RGS4: variants seen among roughly 807,000 people sequenced by gnomAD.
RGS4 encodes regulator of G protein signaling 4, also known as schizophrenia disorder 9.
In RGS4, 15 loss-of-function variants were observed where a neutral mutation model predicts 21.6. The observed-to-expected ratio is 0.69, with a 90% CI of 0.46 to 1.07. RGS4 has a LOEUF of 1.07. Among genes scored for constraint, RGS4 ranks in the 50% least tolerant of loss-of-function variants. The pLI is 0.00. For synonymous variants in RGS4, 94 were observed against 85.5 expected (o/e 1.10, Z -0.55); for missense variants, 237 against 239.0 (o/e 0.99, Z 0.06).
intron 3 of RGS4, 129 bp downstream of exon 3, chr1:163,072,995 A>C: frequency 1.4e-6 from 1 of 708,484 alleles, no homozygotes; most frequent in Non-Finnish European, 2.3e-6. Flanking sequence ...TTTAGGTCTT[A>C]AATTCAGTCT....
In RGS4 at chr1:163,074,542, G is replaced by C. The variant is rs1655434187; in HGVS notation, c.600G>C (p.Leu200=). The change falls in exon 5 of 5, where the codon CTG becomes CTC. Residue 200 remains leucine, a synonymous_variant. Coordinates refer to ENST00000367909, the MANE Select transcript of RGS4 (RefSeq NM_005613.6). ...AGAGTTCAGCAGACTGTGCTTCCCTGGTCCCTCAGTGTGCCTAATTCTCAC... is the reference window on the plus strand; with the variant it reads ...AGAGTTCAGCAGACTGTGCTTCCCTCGTCCCTCAGTGTGCCTAATTCTCAC... The part of the protein sequence containing the change: ...GAKSSADCAS[L]VPQCA 6.2e-7 allele frequency: 1 copy of C among 1,613,764 alleles called. No homozygotes were observed. The highest frequency in any genetic ancestry group is 8.5e-7 in the Non-Finnish European group (1 of 1,179,896).
In RGS4 at chr1:163,073,965, C is replaced by T. The variant is rs573913330; in HGVS notation, c.378+343C>T. ...ACTCTCTGGATCTTAGTGAAGGTTC[C>T]TAGAATAGTGGAGCTGACTATCATA... On this transcript the variant is annotated intron_variant, in intron 4 of 4. Coordinates refer to ENST00000367909, the MANE Select transcript of RGS4 (RefSeq NM_005613.6). The T allele has an allele frequency of 1.6e-5, 6 of 371,806 alleles. No homozygotes were observed. The South Asian group carries it at 2.8e-4, about 17-fold the overall frequency. 23.0% of individuals were successfully genotyped at this position (371,806 alleles called of 1,614,324 possible).
chr1:163,072,678 A>G, intron 2 of RGS4, 127 bp from the exon 3 acceptor site: 1 of 892,928 alleles, frequency 1.1e-6, no homozygotes. Flanking sequence ...AACTGCCCTC[A>G]TCAATAACAT....
At chr1:163,073,779 C>G in intron 4 of RGS4, 157 bp downstream of exon 4, 1 of 551,838 alleles carries the variant, frequency 1.8e-6, no homozygotes, top group Non-Finnish European at 3.1e-6. Context: ...CATTCCAAAT[C>G]TCCTCTTCTA....
At chr1:163,072,632 A>G in intron 2 of RGS4, 133 bp downstream of exon 2, 1 of 842,074 alleles carries the variant, frequency 1.2e-6, no homozygotes, top group Non-Finnish European at 1.9e-6. Flanking sequence ...CATGGAGATC[A>G]TAACTACATT....
intron 1 of RGS4, among the ~76,000 whole-genome samples, 173 bp downstream of exon 1, chr1:163,069,701 G>A (rs115995541): frequency 0.018 from 2,683 of 152,126 alleles, 100 homozygotes; most frequent in African/African-American, 0.061. Context: ...TAAGACATGT[G>A]CTCCCCAAAT....
chr1:163,073,787 C>A (rs995362909), intron 4 of RGS4, 165 bp downstream of exon 4: 127 of 542,838 alleles, frequency 2.3e-4, no homozygotes, highest in African/African-American at 5.2e-4. Flanking sequence ...ATCTCCTCTT[C>A]TAGCTATCTT....
At chr1:163,073,723 T>G in intron 4 of RGS4, 101 bp downstream of exon 4, 1 of 709,514 alleles carries the variant, frequency 1.4e-6, no homozygotes, top group Non-Finnish European at 2.3e-6. Context: ...TCAGGGCAAT[T>G]GCTATATACA....
At chr1:163,068,938 TATAA>T, upstream of RGS4, 3 of 1,594,906 alleles carry the variant, frequency 1.9e-6, no homozygotes, top group Middle Eastern at 5.0e-4. Flanking sequence ...TTGGACCATG[TATAA>T]TATGATGCTT....
upstream of RGS4, chr1:163,069,081 T>C: frequency 6.5e-7 from 1 of 1,534,948 alleles, no homozygotes; most frequent in South Asian, 1.2e-5. Context: ...ATAAAAACTA[T>C]ATTTTGCAGC....
rs947941379 is a variant in RGS4 at position 163,075,256 on chromosome 1, A to T, written c.*696A>T. 1 of 152,824 alleles carries T rather than the reference A, an allele frequency of 6.5e-6. No individual in the cohort carries two copies. The highest frequency in any genetic ancestry group is 1.5e-5 in the Non-Finnish European group (1 of 68,534). 9.5% of individuals were successfully genotyped at this position (152,824 alleles called of 1,614,324 possible). ...AACAGGGCAAAATGAACTAACTGCC[A>T]TGTAGGCTAAGAAAGAAATGCTAAC... On this transcript the variant is annotated 3_prime_UTR_variant, in exon 5 of 5. Transcript: ENST00000367909.
intron 2 of RGS4, 129 bp downstream of exon 2, chr1:163,072,628 G>T: frequency 2.4e-6 from 2 of 845,676 alleles, no homozygotes; most frequent in Non-Finnish European, 3.8e-6. Flanking sequence ...TTTTCATGGA[G>T]ATCATAACTA....
chr1:163,068,893 G>T (rs1322852444), upstream of RGS4: 2 of 1,377,492 alleles, frequency 1.5e-6, no homozygotes, highest in Non-Finnish European at 2.1e-6. Context: ...CGATGATCCT[G>T]CCAGCTCCCT....
At position 163,074,618 on chromosome 1, in the gene RGS4, G is replaced by A; in HGVS notation, c.*58G>A. ...AGACTCTATGCTCTGGAAAACCTGAGGCCAAATATTGATCTGTATTAAGCT... is the reference window on the plus strand; with the variant it reads ...AGACTCTATGCTCTGGAAAACCTGAAGCCAAATATTGATCTGTATTAAGCT... On this transcript the variant is annotated 3_prime_UTR_variant, in exon 5 of 5. Transcript: ENST00000367909. 6.2e-7 allele frequency: 1 copy of A among 1,612,246 alleles called. No homozygotes were observed. The highest frequency in any genetic ancestry group is 8.5e-7 in the Non-Finnish European group (1 of 1,178,662).
At chr1:163,069,025 T>A, upstream of RGS4, 2 of 1,583,196 alleles carry the variant, frequency 1.3e-6, no homozygotes, top group Non-Finnish European at 1.7e-6. Context: ...GTACTTTTCC[T>A]TCCAGGAAGC....
chr1:163,074,597 T>G lies in RGS4; in HGVS notation c.*37T>G. The G allele has an allele frequency of 6.2e-7, 1 of 1,613,786 alleles. No individual in the cohort carries two copies. Among genetic ancestry groups the G allele is most frequent in the Non-Finnish European group, 8.5e-7 (1 of 1,179,806 alleles). Reference sequence around the variant, plus strand: ...AGGCAGAGGGATGAAATGCCAAGACTCTATGCTCTGGAAAACCTGAGGCCA... The same window carrying G: ...AGGCAGAGGGATGAAATGCCAAGACGCTATGCTCTGGAAAACCTGAGGCCA... On this transcript the variant is annotated 3_prime_UTR_variant, in exon 5 of 5. Coordinates refer to ENST00000367909, the MANE Select transcript of RGS4 (RefSeq NM_005613.6).
At chr1:163,069,339 A>T, upstream of RGS4, 1 of 1,552,890 alleles carries the variant, frequency 6.4e-7, no homozygotes, top group Non-Finnish European at 8.7e-7. Context: ...GCTATAAAAG[A>T]GACCCCTACA....
chr1:163,073,648 ATTGT>A, intron 4 of RGS4, 26 bp downstream of exon 4: 1 of 1,486,800 alleles, frequency 6.7e-7, no homozygotes, highest in Non-Finnish European at 9.1e-7. Context: ...ATACATAAAA[ATTGT>A]ACGTATTTAT....
At chr1:163,072,135 G>T (rs978908148) in intron 1 of RGS4, 6 of 1,160,744 alleles carry the variant, frequency 5.2e-6, no homozygotes, top group Non-Finnish European at 3.2e-6. Flanking sequence ...GGCTTCTCAG[G>T]TTTCTGAGGT....
Sources: gnomAD v4.1 joint callset for allele counts (sites outside exome capture counted in the v4.1 genomes callset) on GRCh38, gnomAD v4.1.1 for gene constraint, MANE v1.5 for transcripts, NCBI Gene and HGNC (gene_info 2026-07-23, HGNC 2026-07-21) for gene names.